The following ST6GALNAC5 variants were observed in gnomAD, a reference collection of about 807,000 sequenced individuals.
ST6GALNAC5 encodes alpha-N-acetylgalactosaminide alpha-2,6-sialyltransferase 5.
In ST6GALNAC5, 27 loss-of-function variants were observed where a neutral mutation model predicts 33.6. The observed-to-expected ratio is 0.80, with a 90% CI of 0.59 to 1.11. ST6GALNAC5 has a LOEUF of 1.11. Among genes scored for constraint, ST6GALNAC5 ranks in the 50% least tolerant of loss-of-function variants. The pLI, the probability that ST6GALNAC5 is intolerant of heterozygous loss-of-function variation, is 0.00. For missense variants in ST6GALNAC5, 428 were observed against 454.0 expected (o/e 0.94, Z 0.52); for synonymous variants, 194 against 171.2 (o/e 1.13, Z -1.04).
chr1:77,011,496 T>C lies in ST6GALNAC5; in HGVS notation c.262-32708T>C, dbSNP rs146726110. ...ATATATCCCAAGTGATTCAAGAGCATGACAAGGTTTGGGAATTACAGTCCT... is the reference window on the plus strand; with the variant it reads ...ATATATCCCAAGTGATTCAAGAGCACGACAAGGTTTGGGAATTACAGTCCT... On this transcript the variant is annotated intron_variant, in intron 2 of 4. Coordinates refer to ENST00000477717, the MANE Select transcript of ST6GALNAC5 (RefSeq NM_030965.3). Among the ~76,000 whole-genome samples, 40 of 152,326 alleles carry C rather than the reference T, an allele frequency of 2.6e-4. 1 individual carries two copies. Among genetic ancestry groups the C allele is most frequent in the African/African-American group, 9.4e-4 (39 of 41,574 alleles).
At chr1:76,928,730 C>T (rs1347563476) in intron 2 of ST6GALNAC5, among the ~76,000 whole-genome samples, 1 of 152,116 alleles carries the variant, frequency 6.6e-6, no homozygotes, top group Non-Finnish European at 1.5e-5. Context: ...TGGCTTCTTG[C>T]CACCCTCACC....
At chr1:77,022,352 T>G (rs1234094442) in intron 2 of ST6GALNAC5, among the ~76,000 whole-genome samples, 1 of 152,192 alleles carries the variant, frequency 6.6e-6, no homozygotes, top group Non-Finnish European at 1.5e-5. Context: ...GAAAGTATTT[T>G]GTGAAAAGTT....
At chr1:76,990,731 T>C (rs906218310) in intron 2 of ST6GALNAC5, among the ~76,000 whole-genome samples, 1 of 152,172 alleles carries the variant, frequency 6.6e-6, no homozygotes, top group Non-Finnish European at 1.5e-5. Context: ...TGCTGGCAAC[T>C]GGGCAGTTTG....
At chr1:77,028,973 A>T (rs1261450105) in intron 2 of ST6GALNAC5, among the ~76,000 whole-genome samples, 5 of 152,208 alleles carry the variant, frequency 3.3e-5, no homozygotes, top group African/African-American at 1.2e-4. Flanking sequence ...AGGCTATTCT[A>T]ACAGGAAAGG....
At chr1:76,942,996 T>G (rs182610294) in intron 2 of ST6GALNAC5, among the ~76,000 whole-genome samples, 1 of 152,100 alleles carries the variant, frequency 6.6e-6, no homozygotes, top group Non-Finnish European at 1.5e-5. Flanking sequence ...CCCTAAGTGA[T>G]AACAATATTA....
At chr1:76,974,192 T>C (rs1366028903) in intron 2 of ST6GALNAC5, among the ~76,000 whole-genome samples, 5 of 151,416 alleles carry the variant, frequency 3.3e-5, no homozygotes, top group Non-Finnish European at 7.4e-5. Flanking sequence ...TGTTGAAGTA[T>C]TCTTTTGCTT....
At chr1:76,916,592 A>C (rs1360325838) in intron 2 of ST6GALNAC5, among the ~76,000 whole-genome samples, 3 of 152,150 alleles carry the variant, frequency 2.0e-5, no homozygotes, top group Admixed American at 1.3e-4. Flanking sequence ...TGGGAACTTG[A>C]AGCAATCTTT....
At chr1:76,984,735 T>A (rs1404050234) in intron 2 of ST6GALNAC5, among the ~76,000 whole-genome samples, 1 of 152,160 alleles carries the variant, frequency 6.6e-6, no homozygotes, top group Non-Finnish European at 1.5e-5. Flanking sequence ...TAGATGAATA[T>A]TCCCAATGAA....
At chr1:76,947,872 T>C (rs958003197) in intron 2 of ST6GALNAC5, among the ~76,000 whole-genome samples, 142 of 152,254 alleles carry the variant, frequency 9.3e-4, no homozygotes, top group Non-Finnish European at 3.5e-4. Flanking sequence ...CTAAGAAAGA[T>C]AGCCGGAGAG....
At chr1:76,910,880 C>T in intron 2 of ST6GALNAC5, among the ~76,000 whole-genome samples, 1 of 135,462 alleles carries the variant, frequency 7.4e-6, no homozygotes, top group African/African-American at 2.7e-5. Context: ...GTGGTCAAGG[C>T]AAAAAAAAAA....
chr1:77,066,204 G>A lies in ST6GALNAC5; in HGVS notation c.*2998G>A, dbSNP rs1652774061. Among the ~76,000 whole-genome samples the A allele has an allele frequency of 6.6e-6, 1 of 151,940 alleles. No homozygotes were observed. Among genetic ancestry groups the A allele is most frequent in the East Asian group, 1.9e-4 (1 of 5,188 alleles). The stretch of plus-strand genomic sequence containing the variant: ...CTCCTAAGGGCTACACATAAAACCT[G>A]AGCAATTCAGAGACTTCTGAGGTCA... On this transcript the variant is annotated 3_prime_UTR_variant, in exon 5 of 5. Coordinates refer to ENST00000477717, the MANE Select transcript of ST6GALNAC5 (RefSeq NM_030965.3).
chr1:76,915,708 G>A (rs1426183777), intron 2 of ST6GALNAC5, among the ~76,000 whole-genome samples: 4 of 147,324 alleles, frequency 2.7e-5, no homozygotes, highest in African/African-American at 9.9e-5. Context: ...TGAGGGGAGG[G>A]GGGAGGGATA....
intron 2 of ST6GALNAC5, among the ~76,000 whole-genome samples, chr1:76,989,520 A>T (rs751851398): frequency 2.0e-5 from 3 of 151,804 alleles, no homozygotes; most frequent in Middle Eastern, 3.4e-3. Context: ...TTATTAATAC[A>T]TTTTTTGCCT....
At chr1:76,942,645 G>C (rs1436290487) in intron 2 of ST6GALNAC5, among the ~76,000 whole-genome samples, 1 of 152,072 alleles carries the variant, frequency 6.6e-6, no homozygotes, top group Non-Finnish European at 1.5e-5. Context: ...AGTTGGTGTT[G>C]CCCAAGATCT....
chr1:76,918,196 G>C (rs969238261), intron 2 of ST6GALNAC5, among the ~76,000 whole-genome samples: 1 of 152,116 alleles, frequency 6.6e-6, no homozygotes, highest in African/African-American at 2.4e-5. Context: ...AGCTGATAAT[G>C]TGCCTGAAAT....
intron 2 of ST6GALNAC5, among the ~76,000 whole-genome samples, chr1:76,938,206 A>G (rs1419714909): frequency 2.6e-5 from 4 of 152,026 alleles, no homozygotes; most frequent in African/African-American, 9.7e-5. Flanking sequence ...AAGTTTTTGC[A>G]TGGTGTGGTG....
chr1:77,033,987 A>G (rs1374120762), intron 2 of ST6GALNAC5, among the ~76,000 whole-genome samples: 1 of 152,114 alleles, frequency 6.6e-6, no homozygotes, highest in Non-Finnish European at 1.5e-5. Flanking sequence ...AAGGAGGAGA[A>G]CTGCAAAGTC....
At chr1:76,989,719 CA>C (rs34041023) in intron 2 of ST6GALNAC5, among the ~76,000 whole-genome samples, 1 of 151,836 alleles carries the variant, frequency 6.6e-6, no homozygotes, top group South Asian at 2.1e-4. Flanking sequence ...GAACGCTTCT[CA>C]AAAAAATGTG....
Position 76,872,114 on chromosome 1 carries a change from CA to C in ST6GALNAC5, c.261+3373del, listed in dbSNP as rs999279221. On this transcript the variant is annotated intron_variant, in intron 2 of 4. Transcript: ENST00000477717. ...ACACACACACACACACACACACACA[CA>C]CACCACACACATTAAATCAAGAAAT... Among the ~76,000 whole-genome samples the C allele has an allele frequency of 2.5e-4, 33 of 131,506 alleles. No individual in the cohort carries two copies. In the South Asian group the frequency reaches 3.4e-3, roughly 14 times the overall value. 86.3% of individuals were successfully genotyped at this position (131,506 alleles called of 152,430 possible). A position where few individuals can be genotyped will look rare whatever the true frequency, so the allele number is the denominator to read the frequency against.
Sources: allele counts gnomAD v4.1 joint callset (sites outside exome capture counted in the v4.1 genomes callset), GRCh38; gene constraint gnomAD v4.1.1; transcripts MANE v1.5; gene names NCBI Gene and HGNC (gene_info 2026-07-23, HGNC 2026-07-21).